Variants in KRABD3 observed in about 807,000 individuals in gnomAD.
The protein encoded by KRABD3 is KRAB domain-containing protein 3.
the KRABD3 span, chr7:149,724,952 C>T: frequency 3.0e-6 from 3 of 985,080 alleles, no homozygotes; most frequent in Non-Finnish European, 4.3e-6. Context: ...CAGGGAGCCG[C>T]CCCCTGGCCT....
the KRABD3 span, chr7:149,724,003 C>T: frequency 6.9e-6 from 8 of 1,165,734 alleles, no homozygotes; most frequent in African/African-American, 1.5e-5. Context: ...ATTGGCCTGT[C>T]GGGAAGAGGA....
At chr7:149,722,610 C>T in the KRABD3 span, 17 of 1,559,040 alleles carry the variant, frequency 1.1e-5, no homozygotes, top group East Asian at 2.3e-5. Context: ...TTAGTTCACA[C>T]GAGGAGGTCA....
the KRABD3 span, chr7:149,715,139 AC>A: frequency 5.8e-5 from 71 of 1,229,132 alleles, no homozygotes; most frequent in Middle Eastern, 6.3e-4. Context: ...AAGAGCTGGG[AC>A]CCCCCCGCAA....
chr7:149,732,918 G>C, the KRABD3 span, among the ~76,000 whole-genome samples: 1 of 152,128 alleles, frequency 6.6e-6, no homozygotes, highest in Non-Finnish European at 1.5e-5. This position sits in a 1 kb window ranked among gnomAD's most constrained non-coding sequence, Gnocchi z 4.0. Context: ...AAGACCCACC[G>C]ATTCCTAGAA....
At chr7:149,723,696 A>G in the KRABD3 span, 1 of 1,596,822 alleles carries the variant, frequency 6.3e-7, no homozygotes. Flanking sequence ...GGCTGAGGAC[A>G]CTGAGCTCCA....
At chr7:149,730,047 C>T in the KRABD3 span, 2 of 1,405,214 alleles carry the variant, frequency 1.4e-6, no homozygotes, top group Admixed American at 3.1e-5. Flanking sequence ...TGATCGTGGG[C>T]TGAGCTGAAA....
the KRABD3 span, among the ~76,000 whole-genome samples, chr7:149,717,130 G>A: frequency 6.6e-6 from 1 of 152,144 alleles, no homozygotes; most frequent in South Asian, 2.1e-4. Context: ...AACATAGCTG[G>A]TATCATGTTC....
the KRABD3 span, chr7:149,723,653 C>T: frequency 6.9e-7 from 1 of 1,451,012 alleles, no homozygotes; most frequent in Admixed American, 2.1e-5. Context: ...CCACGCCCTT[C>T]TAACTTGTCC....
chr7:149,721,379 G>T, the KRABD3 span: 14 of 1,584,086 alleles, frequency 8.8e-6, no homozygotes, highest in Non-Finnish European at 1.2e-5. Flanking sequence ...TTTCCCGACA[G>T]CAGCTGCGGC....
chr7:149,733,913 A>T, the KRABD3 span: 1 of 1,592,890 alleles, frequency 6.3e-7, no homozygotes, highest in Admixed American at 1.8e-5. Context: ...AGACGTGCCG[A>T]CCTCAGGAGT....
chr7:149,725,097 C>T, the KRABD3 span, among the ~76,000 whole-genome samples: 2 of 152,218 alleles, frequency 1.3e-5, no homozygotes, highest in African/African-American at 4.8e-5. Context: ...ATGTGGCCCT[C>T]CTCACTCCCC....
the KRABD3 span, chr7:149,723,928 T>G: frequency 6.2e-7 from 1 of 1,607,346 alleles, no homozygotes; most frequent in South Asian, 1.1e-5. Flanking sequence ...CCCCCAGACA[T>G]CCTACATTAC....
the KRABD3 span, among the ~76,000 whole-genome samples, chr7:149,732,393 A>G: frequency 6.6e-6 from 1 of 152,164 alleles, no homozygotes; most frequent in Non-Finnish European, 1.5e-5. This position sits in a 1 kb window ranked among gnomAD's most constrained non-coding sequence, Gnocchi z 4.0. Flanking sequence ...TAGCTACTCC[A>G]GTCTTCACTT....
chr7:149,724,030 C>T, the KRABD3 span: 5 of 861,984 alleles, frequency 5.8e-6, no homozygotes, highest in Non-Finnish European at 8.9e-6. Context: ...TGCGGGGGAT[C>T]CCCACTGTGT....
At chr7:149,715,394 CG>C in the KRABD3 span, 6 of 1,115,062 alleles carry the variant, frequency 5.4e-6, no homozygotes, top group Non-Finnish European at 6.6e-6. Context: ...TCCTGGATCC[CG>C]GGGGCTGGGG....
At chr7:149,725,199 C>A in the KRABD3 span, 3 of 1,046,414 alleles carry the variant, frequency 2.9e-6, no homozygotes, top group Non-Finnish European at 4.0e-6. Context: ...GTGCCAGAGC[C>A]TGGTACAGGA....
chr7:149,731,041 A>C, the KRABD3 span, among the ~76,000 whole-genome samples: 1 of 152,218 alleles, frequency 6.6e-6, no homozygotes, highest in Non-Finnish European at 1.5e-5. Flanking sequence ...TGCTCCTAGC[A>C]GAAAAAGCAG....
the KRABD3 span, chr7:149,715,150 A>G: frequency 8.1e-7 from 1 of 1,229,334 alleles, no homozygotes; most frequent in Non-Finnish European, 1.0e-6. Flanking sequence ...CCCCCCCGCA[A>G]CTTCGGGATC....
chr7:149,723,897 C>G, the KRABD3 span: 1 of 1,612,446 alleles, frequency 6.2e-7, no homozygotes, highest in Non-Finnish European at 8.5e-7. Context: ...GAGGTAAAGG[C>G]TTCTCGCTGG....
Sources: allele counts gnomAD v4.1 joint callset (sites outside exome capture counted in the v4.1 genomes callset), GRCh38; gene constraint gnomAD v4.1.1; non-coding constraint Gnocchi (gnomAD v3.1); transcripts MANE v1.5; gene names NCBI Gene and HGNC (gene_info 2026-07-23, HGNC 2026-07-21).